The following AMY2B variants were observed in gnomAD, a reference collection of about 807,000 sequenced individuals.
AMY2B encodes the protein alpha-amylase 2B.
Under a neutral mutation model 59.3 loss-of-function variants are expected in AMY2B, and 63 were observed. The ratio of observed to expected loss-of-function variants is 1.06; its 90% CI spans 0.87 to 1.31. The LOEUF is 1.31. Among genes scored for constraint, AMY2B ranks in the 50% most tolerant of loss-of-function variants. AMY2B has a pLI of 0.00. For synonymous variants in AMY2B, 180 were observed against 198.1 expected, an observed-to-expected ratio of 0.91 and a Z score of 0.77; for missense variants, 635 against 626.7, an observed-to-expected ratio of 1.01 and a Z score of -0.14.
At chr1:103,575,792 A>G in intron 7 of AMY2B, 5 of 448,464 alleles carry the variant, frequency 1.1e-5, no homozygotes, top group South Asian at 3.5e-5. Context: ...AAAAAAAACC[A>G]CTTAAAAATA....
At chr1:103,578,987 A>T (rs1201457504) in intron 9 of AMY2B, among the ~76,000 whole-genome samples, 4 of 152,198 alleles carry the variant, frequency 2.6e-5, no homozygotes, top group Admixed American at 6.5e-5. Flanking sequence ...AATTTGTATT[A>T]AGTTCAGTTG....
chr1:103,576,274 A>G (rs2101078094), intron 7 of AMY2B, among the ~76,000 whole-genome samples: 1 of 152,296 alleles, frequency 6.6e-6, no homozygotes, highest in South Asian at 2.1e-4. Context: ...TCACACAGAT[A>G]TCTAGCTAGC....
intron 1 of AMY2B, chr1:103,555,164 C>T (rs1487897742): frequency 6.6e-6 from 1 of 151,928 alleles, no homozygotes; most frequent in Non-Finnish European, 1.5e-5. Context: ...GCCTTTAAAT[C>T]AGTGAATTGG....
chr1:103,575,000 CGTGTGTGTATATGGTGT>C (rs1652289041), intron 5 of AMY2B, among the ~76,000 whole-genome samples: 1 of 149,456 alleles, frequency 6.7e-6, no homozygotes, highest in East Asian at 2.0e-4. Flanking sequence ...AGATTACACA[CGTGTGTGTATATGGTGT>C]GTGTGTGTAT....
upstream of AMY2B, chr1:103,570,269 A>G (rs1652071560): frequency 3.6e-6 from 2 of 557,524 alleles, no homozygotes; most frequent in Admixed American, 1.9e-5. Context: ...GAGAAGAGAT[A>G]TGAGCTGCCT....
chr1:103,571,825 T>C, intron 1 of AMY2B, 55 bp downstream of exon 1: 1 of 1,611,892 alleles, frequency 6.2e-7, no homozygotes. Flanking sequence ...TAGTAAATAG[T>C]ATTCTGATCT....
intron 7 of AMY2B, among the ~76,000 whole-genome samples, chr1:103,576,316 T>C (rs1298969632): frequency 2.0e-5 from 3 of 152,200 alleles, no homozygotes; most frequent in African/African-American, 7.2e-5. Context: ...TTGAGAAGTC[T>C]GTTACTTTGT....
chr1:103,573,093 C>T lies in AMY2B; in HGVS notation c.346C>T (p.His116Tyr), dbSNP rs746781812. 2.5e-6 allele frequency: 4 copies of T among 1,613,620 alleles called. No individual in the cohort carries two copies. The highest frequency in any genetic ancestry group is 3.4e-6 in the Non-Finnish European group (4 of 1,179,720). ...TATTTATGTGGATGCTGTAATTAAT[C>T]ATATGTCTGGTAATGCTGTGAGTGC... ...VRIYVDAVIN[H>Y]MSGNAVSAGT... Residue 116 changes from histidine to tyrosine, a missense_variant, in exon 3 of 10, where the codon CAT (histidine) becomes TAT (tyrosine). His to Tyr is a moderately conservative substitution (Grantham distance 83, BLOSUM62 2). Coordinates refer to ENST00000684275, the MANE Select transcript of AMY2B (RefSeq NM_001387437.1).
chr1:103,577,428 A>T, intron 7 of AMY2B, 62 bp from the exon 8 acceptor site: 1 of 1,611,068 alleles, frequency 6.2e-7, no homozygotes, highest in Non-Finnish European at 8.5e-7. Context: ...GGTTTGGTTT[A>T]AAGGAGAAGG....
rs369605386 is a variant in AMY2B at position 103,573,826 on chromosome 1, T to C, written c.632T>C (p.Leu211Pro). The change falls in exon 4 of 10, where the codon CTT becomes CCT. Residue 211 changes from leucine to proline, a missense_variant. By Grantham distance (98) the Leu-to-Pro change is moderately conservative. Coordinates refer to ENST00000684275, the MANE Select transcript of AMY2B (RefSeq NM_001387437.1). ...GACATTGGTGTTGCAGGGTTCAGAC[T>C]TGATGCTTCCAAGCACATGTGGCCT... is the stretch of plus-strand genomic sequence containing the variant. ...LIDIGVAGFRLDASKHMWPGD... is the reference protein window; with the variant it reads ...LIDIGVAGFRPDASKHMWPGD... 1 of 1,613,908 alleles carries C rather than the reference T, an allele frequency of 6.2e-7. No individual in the cohort carries two copies. Among genetic ancestry groups the C allele is most frequent in the Non-Finnish European group, 8.5e-7 (1 of 1,179,792 alleles).
Position 103,571,720 on chromosome 1 carries a change from G to A in AMY2B, c.118G>A (p.Ala40Thr), listed in dbSNP as rs754767066. 1.2e-6 allele frequency: 2 copies of A among 1,611,962 alleles called. No individual in the cohort carries two copies. The highest frequency in any genetic ancestry group is 2.7e-5 in the African/African-American group (2 of 74,972). Residue 40 changes from alanine (A) to threonine (T), a missense_variant, in exon 1 of 10, where the codon GCT becomes ACT. Ala to Thr is a moderately conservative substitution (Grantham distance 58). Coordinates refer to ENST00000684275, the MANE Select transcript of AMY2B (RefSeq NM_001387437.1). ...GTTTGAATGGCGATGGGTTGATATT[G>A]CTCTTGAATGTGAGCGATATTTAGC... Reference protein sequence around the residue: ...HLFEWRWVDIALECERYLAPK... With the variant: ...HLFEWRWVDITLECERYLAPK...
chr1:103,577,834 CAAT>C lies in AMY2B; in HGVS notation c.1336_1338del (p.Asn446del), dbSNP rs1413516579. 1 of 1,602,902 alleles carries C rather than the reference CAAT, an allele frequency of 6.2e-7. No homozygotes were observed. The highest frequency in any genetic ancestry group is 8.5e-7 in the Non-Finnish European group (1 of 1,179,692). ...GAAACAGAGGATTCATTGTTTTCAA[CAAT>C]GATGACTGGTAAGTACATATCAATT... On this transcript the variant is annotated inframe_deletion, in exon 9 of 10. Coordinates refer to ENST00000684275, the MANE Select transcript of AMY2B (RefSeq NM_001387437.1).
chr1:103,575,064 A>G (rs750733952), intron 5 of AMY2B, among the ~76,000 whole-genome samples, 159 bp from the exon 6 acceptor site: 380 of 128,504 alleles, frequency 3.0e-3, no homozygotes, highest in East Asian at 5.5e-3. Context: ...GTGTATGTAT[A>G]TATATATATA....
chr1:103,554,749 A>G (rs1651491540), exon 1 of AMY2B: 1 of 152,620 alleles, frequency 6.6e-6, no homozygotes, highest in African/African-American at 2.4e-5. Context: ...AAAATCTGCT[A>G]CTATTATTAG....
intron 9 of AMY2B, among the ~76,000 whole-genome samples, 188 bp downstream of exon 9, chr1:103,578,033 T>A (rs889354087): frequency 4.6e-5 from 7 of 152,214 alleles, no homozygotes; most frequent in Non-Finnish European, 7.3e-5. Context: ...TCCTGTTTTA[T>A]TAAGGGCTTT....
At chr1:103,557,772 A>G (rs1423380890) in intron 1 of AMY2B, among the ~76,000 whole-genome samples, 1 of 152,200 alleles carries the variant, frequency 6.6e-6, no homozygotes, top group Non-Finnish European at 1.5e-5. Flanking sequence ...GAGCAGTTTT[A>G]TGAAACTTTT....
chr1:103,569,644 T>C, upstream of AMY2B: 1 of 396,208 alleles, frequency 2.5e-6, no homozygotes, highest in Non-Finnish European at 5.1e-6. Context: ...CAGCCATGTT[T>C]CCTTCCATCA....
chr1:103,570,163 G>A (rs540213437), upstream of AMY2B: 33 of 461,602 alleles, frequency 7.1e-5, no homozygotes, highest in South Asian at 2.3e-4. Context: ...CACCACTGCC[G>A]AGCGGGAGAT....
intron 4 of AMY2B, 146 bp downstream of exon 4, chr1:103,574,084 A>C (rs1374690027): frequency 5.3e-6 from 8 of 1,506,624 alleles, no homozygotes; most frequent in Admixed American, 2.2e-5. Flanking sequence ...CACATACAGC[A>C]TATCTAATTC....
Sources: allele counts gnomAD v4.1 joint callset (sites outside exome capture counted in the v4.1 genomes callset), GRCh38; gene constraint gnomAD v4.1.1; transcripts MANE v1.5; gene names NCBI Gene and HGNC (gene_info 2026-07-23, HGNC 2026-07-21).